The following NAAA variants were observed in gnomAD, a reference collection of about 807,000 sequenced individuals.
NAAA encodes the protein N-acylethanolamine-hydrolyzing acid amidase.
In NAAA, 39 loss-of-function variants were observed where a neutral mutation model predicts 44.8. The ratio of observed to expected loss-of-function variants is 0.87; its 90% confidence interval spans 0.67 to 1.14. NAAA has a LOEUF of 1.14. NAAA is among the 50% of genes most tolerant of loss of function. NAAA has a pLI of 0.00. For missense variants in NAAA, 460 were observed against 467.8 expected (o/e 0.98, Z 0.15); for synonymous variants, 178 against 191.3 (o/e 0.93, Z 0.58).
At chr4:75,938,109 A>G (rs1727893592) in intron 2 of NAAA, among the ~76,000 whole-genome samples, 3 of 152,160 alleles carry the variant, frequency 2.0e-5, no homozygotes. Flanking sequence ...ACATCACAAA[A>G]CAGATGATAC....
At position 75,929,351 on chromosome 4, in the gene NAAA, C is replaced by T. The variant is rs77904902; in HGVS notation, c.589+1863G>A. Among the ~76,000 whole-genome samples, 727 of 152,240 alleles carry T rather than the reference C, an allele frequency of 4.8e-3. 9 individuals carry two copies. Among genetic ancestry groups the T allele is most frequent in the African/African-American group, 0.016 (681 of 41,550 alleles). The stretch of plus-strand genomic sequence containing the variant: ...TGTCCAGAGACTTAATATCACAGCT[C>T]ATTGCAGCCTGTAACTCCTGGGCCC... On this transcript the variant is annotated intron_variant, in intron 4 of 10. Transcript: ENST00000286733.
Position 75,914,880 on chromosome 4 carries a change from G to A in NAAA, c.*24C>T, listed in dbSNP as rs755578293. 1.2e-5 allele frequency: 19 copies of A among 1,612,814 alleles called. No homozygotes were observed. The highest frequency in any genetic ancestry group is 3.3e-5 in the Admixed American group (2 of 59,998). On this transcript the variant is annotated 3_prime_UTR_variant, in exon 10 of 11. Transcript: ENST00000286733. ...AGTAACAACAAACCTTTCACAGCAC[G>A]GGCGAACTCGCTCTTCTGCTGACTT...
intron 9 of NAAA, 108 bp from the exon 10 acceptor site, chr4:75,915,093 C>T (rs962084820): frequency 4.0e-5 from 31 of 781,548 alleles, no homozygotes; most frequent in Non-Finnish European, 6.1e-5. Flanking sequence ...GGACAAGGCC[C>T]TTTATGCCAG....
At chr4:75,937,567 C>A (rs1477521115) in intron 2 of NAAA, among the ~76,000 whole-genome samples, 1 of 152,228 alleles carries the variant, frequency 6.6e-6, no homozygotes, top group Non-Finnish European at 1.5e-5. Context: ...CTCACTGCAG[C>A]CGTGACTTCC....
intron 2 of NAAA, 135 bp downstream of exon 2, chr4:75,939,866 A>G: frequency 1.0e-6 from 1 of 963,582 alleles, no homozygotes; most frequent in Non-Finnish European, 1.5e-6. Flanking sequence ...AGAGGCAAAG[A>G]GGAAGCGCTG....
intron 4 of NAAA, among the ~76,000 whole-genome samples, chr4:75,929,067 C>T (rs559519665): frequency 7.9e-5 from 12 of 152,200 alleles, no homozygotes; most frequent in African/African-American, 2.9e-4. Context: ...GCTGGGATTA[C>T]AGGCATGATC....
chr4:75,918,180 G>A (rs777279591), intron 9 of NAAA, among the ~76,000 whole-genome samples: 6 of 152,190 alleles, frequency 3.9e-5, no homozygotes, highest in Admixed American at 6.5e-5. Context: ...CTGGCCGGGC[G>A]CAGTGGCTCA....
At chr4:75,929,197 T>C (rs544056083) in intron 4 of NAAA, among the ~76,000 whole-genome samples, 22 of 152,354 alleles carry the variant, frequency 1.4e-4, no homozygotes, top group Non-Finnish European at 2.9e-4. Context: ...AGACTGGCCC[T>C]GGAGTCTTCA....
chr4:75,930,001 A>T (rs1465374946), intron 4 of NAAA, among the ~76,000 whole-genome samples: 2 of 152,134 alleles, frequency 1.3e-5, no homozygotes, highest in Non-Finnish European at 2.9e-5. Context: ...AGGCATGAGA[A>T]TCGGCTGAGC....
chr4:75,929,615 A>G (rs1727050984), intron 4 of NAAA, among the ~76,000 whole-genome samples: 2 of 152,194 alleles, frequency 1.3e-5, no homozygotes, highest in Admixed American at 1.3e-4. Context: ...TTCTATTAAA[A>G]ACCTTAGTAA....
In NAAA at chr4:75,914,117, G is replaced by C; in HGVS notation, c.*258C>G. On this transcript the variant is annotated 3_prime_UTR_variant, in exon 11 of 11. Transcript: ENST00000286733. ...TCTTTGAGTTATTCAGGCCAGGATA[G>C]AAGCTTAGAGAGGATCGAGGCAAAC... is the stretch of plus-strand genomic sequence containing the variant. The C allele has an allele frequency of 1.0e-6, 1 of 985,634 alleles. No individual in the cohort carries two copies. The highest frequency in any genetic ancestry group is 1.2e-6 in the Non-Finnish European group (1 of 829,954). 61.1% of individuals were successfully genotyped at this position (985,634 alleles called of 1,614,324 possible).
chr4:75,940,722 C>T, intron 1 of NAAA, 22 bp downstream of exon 1: 1 of 1,586,820 alleles, frequency 6.3e-7, no homozygotes, highest in Non-Finnish European at 8.5e-7. Flanking sequence ...CCCCGCAGAC[C>T]CCGTCCAGGG....
At chr4:75,936,764 A>G (rs192589722) in intron 2 of NAAA, among the ~76,000 whole-genome samples, 2 of 152,290 alleles carry the variant, frequency 1.3e-5, no homozygotes, top group East Asian at 3.9e-4. Flanking sequence ...TTCTCTCTCC[A>G]GCTCCTTGCA....
chr4:75,936,458 T>A (rs1335489013), intron 2 of NAAA, among the ~76,000 whole-genome samples: 2 of 152,200 alleles, frequency 1.3e-5, no homozygotes, highest in Non-Finnish European at 1.5e-5. Flanking sequence ...CTAGGATCTT[T>A]ACCCTTAGCA....
downstream of NAAA, among the ~76,000 whole-genome samples, chr4:75,911,167 G>A (rs71607337): frequency 0.038 from 5,742 of 152,266 alleles, 184 homozygotes; most frequent in Non-Finnish European, 0.053. Context: ...ATCAGTTAGG[G>A]TGGGGCAGGA....
In NAAA at chr4:75,914,869, T is replaced by A. The variant is rs764531966; in HGVS notation, c.*35A>T. The A allele has an allele frequency of 3.7e-5, 60 of 1,611,368 alleles. No homozygotes were observed. Among genetic ancestry groups the A allele is most frequent in the Admixed American group, 8.3e-5 (5 of 59,976 alleles). The stretch of plus-strand genomic sequence containing the variant: ...CTCCACAAAACAGTAACAACAAACC[T>A]TTCACAGCACGGGCGAACTCGCTCT... On this transcript the variant is annotated splice_region_variant and 3_prime_UTR_variant, in exon 10 of 11. Transcript: ENST00000286733.
chr4:75,939,908 T>TGC, intron 2 of NAAA, 93 bp downstream of exon 2: 1 of 1,487,546 alleles, frequency 6.7e-7, no homozygotes, highest in Non-Finnish European at 9.2e-7. Flanking sequence ...ACCGCCCTGT[T>TGC]TTTATCACAC....
chr4:75,913,058 A>AGACACTCCAAAACTGCCTTCCTTTT (rs1268268776), downstream of NAAA, among the ~76,000 whole-genome samples: 2,587 of 152,158 alleles, frequency 0.017, 79 homozygotes, highest in African/African-American at 0.06. Context: ...CTGGGAACCG[A>AGACACTCCAAAACTGCCTTCCTTTT]GACACTCCAA....
At chr4:75,912,554 GAAAAAAA>G (rs34332139), downstream of NAAA, among the ~76,000 whole-genome samples, 15 of 113,134 alleles carry the variant, frequency 1.3e-4, no homozygotes, top group African/African-American at 2.5e-4. Flanking sequence ...ACTCTGTCTG[GAAAAAAA>G]AAAAAAAAAA....
Sources: allele counts gnomAD v4.1 joint callset (sites outside exome capture counted in the v4.1 genomes callset), GRCh38; gene constraint gnomAD v4.1.1; transcripts MANE v1.5; gene names NCBI Gene and HGNC (gene_info 2026-07-23, HGNC 2026-07-21).